ZNF423: variants seen among roughly 807,000 people sequenced by gnomAD.
ZNF423 encodes the protein Ebf-associated zinc finger protein.
A neutral mutation model predicts 95.8 loss-of-function variants in ZNF423; 12 were observed. That is an observed-to-expected ratio of 0.13 (90% CI 0.08 to 0.20). The LOEUF (loss-of-function observed/expected upper bound fraction) is 0.20, where lower values mean the gene tolerates loss of function less well. Among genes scored for constraint, ZNF423 ranks in the 10% least tolerant of loss-of-function variants. The pLI is 1.00. For synonymous variants in ZNF423, 749 were observed against 711.9 expected, an observed-to-expected ratio of 1.05 and a Z score of -0.83; for missense variants, 1,316 against 1,737.1, an observed-to-expected ratio of 0.76 and a Z score of 4.31.
At chr16:49,823,243 A>G (rs2034967328) in intron 1 of ZNF423, among the ~76,000 whole-genome samples, 1 of 152,370 alleles carries the variant, frequency 6.6e-6, no homozygotes, top group African/African-American at 2.4e-5. Context: ...CAGAAGCCTC[A>G]CTTCTCCATT....
At chr16:49,690,463 A>C (rs144147165) in intron 3 of ZNF423, among the ~76,000 whole-genome samples, 84 of 152,362 alleles carry the variant, frequency 5.5e-4, no homozygotes, top group African/African-American at 1.9e-3. Flanking sequence ...TTGAGGCTGC[A>C]ATGAGCTAAG....
Position 49,638,406 on chromosome 16 carries a change from T to G in ZNF423, c.770A>C (p.Glu257Ala). The G allele has an allele frequency of 6.2e-7, 1 of 1,613,926 alleles. No homozygotes were observed. Among genetic ancestry groups the G allele is most frequent in the Non-Finnish European group, 8.5e-7 (1 of 1,180,030 alleles). Reference protein sequence around the residue: ...SHMQAHKKNKEHLAKSEKEAK... With the variant: ...SHMQAHKKNKAHLAKSEKEAK... ...TTCCTTCTCCGACTTGGCCAGATGC[T>G]CCTTGTTCTTTTTGTGGGCCTGCAT... The change falls in exon 4 of 8, where the codon GAG (glutamate) becomes GCG (alanine). Residue 257 changes from glutamate (E) to alanine (A), a missense_variant. By Grantham distance (107) the Glu-to-Ala change is moderately radical. Coordinates refer to ENST00000563137, the MANE Select transcript of ZNF423 (RefSeq NM_001379286.1). The surrounding 1 kb of genome is among the most constrained non-coding windows in gnomAD (Gnocchi z 5.6).
intron 1 of ZNF423, among the ~76,000 whole-genome samples, chr16:49,800,769 A>G (rs1470385526): frequency 6.6e-6 from 1 of 152,196 alleles, no homozygotes. Context: ...CTGGTGAGGA[A>G]ACAAAGCCCC....
intron 2 of ZNF423, among the ~76,000 whole-genome samples, chr16:49,745,617 G>A (rs1035171722): frequency 3.3e-5 from 5 of 152,326 alleles, no homozygotes; most frequent in Middle Eastern, 3.4e-3. Context: ...CGAGCGCGAC[G>A]TGGTCTTCCC....
intron 2 of ZNF423, among the ~76,000 whole-genome samples, chr16:49,768,994 C>T (rs2143694735): frequency 6.6e-6 from 1 of 152,334 alleles, no homozygotes. Context: ...AGGCCAAAAA[C>T]CTTGCAGGCT....
chr16:49,806,588 A>T (rs1033556522), intron 1 of ZNF423, among the ~76,000 whole-genome samples: 1 of 152,190 alleles, frequency 6.6e-6, no homozygotes, highest in South Asian at 2.1e-4. Context: ...AGCAGAGGAA[A>T]CTGAGTCTGT....
chr16:49,626,943 C>A (rs1972302297), intron 4 of ZNF423, among the ~76,000 whole-genome samples: 1 of 128,066 alleles, frequency 7.8e-6, no homozygotes, highest in Non-Finnish European at 1.6e-5. Flanking sequence ...ACCAATAGAC[C>A]CATCCATCCA....
chr16:49,696,763 C>T (rs2031990150), intron 3 of ZNF423, among the ~76,000 whole-genome samples: 1 of 152,110 alleles, frequency 6.6e-6, no homozygotes, highest in Admixed American at 6.5e-5. Context: ...TCAGGCAAGC[C>T]CCCCCCACCC....
At chr16:49,598,142 G>GGGCGACAGAGCGAGACTCCGTCTCAAAAA (rs1189406664) in intron 5 of ZNF423, among the ~76,000 whole-genome samples, 19 of 150,276 alleles carry the variant, frequency 1.3e-4, no homozygotes, top group Non-Finnish European at 2.2e-4. Context: ...GTGTGTATTT[G>GGGCGACAGAGCGAGACTCCGTCTCAAAAA]AAGAAAACAG....
chr16:49,706,525 G>A (rs527371762), intron 3 of ZNF423, among the ~76,000 whole-genome samples: 1 of 152,246 alleles, frequency 6.6e-6, no homozygotes, highest in East Asian at 1.9e-4. Flanking sequence ...TGTGAACTGG[G>A]CCCAGGGCCA....
intron 5 of ZNF423, among the ~76,000 whole-genome samples, chr16:49,612,124 C>T (rs933231323): frequency 1.3e-5 from 2 of 152,134 alleles, no homozygotes; most frequent in African/African-American, 4.8e-5. Context: ...GGGCACTTCC[C>T]AGTTTATTTC....
At position 49,617,696 on chromosome 16, in the gene ZNF423, C is replaced by A. The variant is rs369825793; in HGVS notation, c.3601+8474G>T. 2.6e-5 allele frequency among the ~76,000 whole-genome samples: 4 copies of A among 152,096 alleles called. No individual in the cohort carries two copies. The South Asian group carries it at 8.3e-4, about 32-fold the overall frequency. ...CAAATACTTCCTGTTACCTTTGGAG[C>A]CTTCCAGCTCCCACTTCTCTCCCTC... On this transcript the variant is annotated intron_variant, in intron 5 of 7. Transcript: ENST00000563137.
chr16:49,656,282 G>T (rs892107676), intron 3 of ZNF423, among the ~76,000 whole-genome samples: 1 of 152,134 alleles, frequency 6.6e-6, no homozygotes, highest in African/African-American at 2.4e-5. Flanking sequence ...AGGCTGAGGC[G>T]GGTGGATCAC....
intron 7 of ZNF423, among the ~76,000 whole-genome samples, chr16:49,498,926 C>T (rs1484943590): frequency 6.6e-6 from 1 of 152,112 alleles, no homozygotes; most frequent in Non-Finnish European, 1.5e-5. Flanking sequence ...TAAACAGCGC[C>T]GAATGAATAC....
At chr16:49,679,090 G>A (rs1313489470) in intron 3 of ZNF423, among the ~76,000 whole-genome samples, 2 of 152,202 alleles carry the variant, frequency 1.3e-5, no homozygotes, top group Non-Finnish European at 2.9e-5. Context: ...CTACAGGTGT[G>A]TGCCACCATG....
intron 5 of ZNF423, among the ~76,000 whole-genome samples, chr16:49,531,953 G>A (rs768183471): frequency 2.8e-4 from 43 of 152,184 alleles, no homozygotes; most frequent in Non-Finnish European, 5.0e-4. Flanking sequence ...TGTTTGGGGC[G>A]TCCATTAACG....
chr16:49,812,355 G>A (rs1471203537), intron 1 of ZNF423, among the ~76,000 whole-genome samples: 2 of 152,204 alleles, frequency 1.3e-5, no homozygotes, highest in Non-Finnish European at 2.9e-5. Context: ...TGCCTGGCTG[G>A]CTATGAGAGG....
chr16:49,648,000 C>T (rs9630635), intron 3 of ZNF423, among the ~76,000 whole-genome samples: 32,076 of 152,068 alleles, frequency 0.21, 3,543 homozygotes, highest in Admixed American at 0.25. Context: ...TAACCTTGAA[C>T]AGATTAATGG....
intron 5 of ZNF423, among the ~76,000 whole-genome samples, chr16:49,582,058 A>C (rs1555509218): frequency 6.6e-6 from 1 of 152,162 alleles, no homozygotes. Context: ...CTCTGTCTGC[A>C]CACCCATGCA....
Sources: gnomAD v4.1 joint callset for allele counts (sites outside exome capture counted in the v4.1 genomes callset) on GRCh38, gnomAD v4.1.1 for gene constraint, Gnocchi (gnomAD v3.1) non-coding constraint, MANE v1.5 for transcripts, NCBI Gene and HGNC (gene_info 2026-07-23, HGNC 2026-07-21) for gene names.